Variants in RBFOX3 observed in about 807,000 individuals in gnomAD.
RBFOX3 encodes the protein RNA binding protein fox-1 homolog 3.
RBFOX3 carries 17 observed loss-of-function variants against 48.7 expected under a neutral mutation model. That is an observed-to-expected ratio of 0.35 (90% CI 0.24 to 0.52). RBFOX3 has a LOEUF of 0.52. Ranked by LOEUF, RBFOX3 falls within the 20% of genes least tolerant of loss-of-function variation. RBFOX3 has a pLI of 0.94. For synonymous variants in RBFOX3, 212 were observed against 209.5 expected (o/e 1.01, Z -0.10); for missense variants, 382 against 497.5 (o/e 0.77, Z 2.21).
At chr17:79,575,399 G>A (rs987113225) in intron 1 of RBFOX3, among the ~76,000 whole-genome samples, 26 of 152,270 alleles carry the variant, frequency 1.7e-4, no homozygotes, top group Non-Finnish European at 1.3e-4. Context: ...TAAGAACTCC[G>A]GGAGGCCACA....
chr17:79,640,531 G>T, the RBFOX3 span, among the ~76,000 whole-genome samples: 1 of 151,156 alleles, frequency 6.6e-6, no homozygotes, highest in African/African-American at 2.4e-5. Context: ...AAAGCGGGAG[G>T]CATTACACTT....
At position 79,244,016 on chromosome 17, in the gene RBFOX3, T is replaced by C. The variant is rs187407221; in HGVS notation, c.-73-8211A>G. Among the ~76,000 whole-genome samples, 450 of 152,242 alleles carry C rather than the reference T, an allele frequency of 3.0e-3. 3 individuals carry two copies. Among genetic ancestry groups the C allele is most frequent in the Non-Finnish European group, 4.8e-3 (324 of 68,014 alleles). On this transcript the variant is annotated intron_variant, in intron 3 of 14. Transcript: ENST00000693108. ...AGCACTGGGTCATCTCAACAATCCATAGACACCCTCGGCCTTCCACACATG... is the reference window on the plus strand; with the variant it reads ...AGCACTGGGTCATCTCAACAATCCACAGACACCCTCGGCCTTCCACACATG...
At chr17:79,615,814 C>T (rs2093991522), upstream of RBFOX3, among the ~76,000 whole-genome samples, 1 of 152,114 alleles carries the variant, frequency 6.6e-6, no homozygotes, top group Non-Finnish European at 1.5e-5. Flanking sequence ...CCAAGGAGGC[C>T]CTTGGTTCCC....
At position 79,473,641 on chromosome 17, in the gene RBFOX3, C is replaced by T. The variant is rs1332346687; in HGVS notation, c.-175+8813G>A. On this transcript the variant is annotated intron_variant, in intron 2 of 14. Coordinates refer to ENST00000693108, the MANE Select transcript of RBFOX3 (RefSeq NM_001350451.2). The surrounding 1 kb of genome is among the most constrained non-coding windows in gnomAD (Gnocchi z 4.2). ...CATAATGTTGACATCCTGATGAACC[C>T]CCGCTGGTGACGGCAGGTGGCCACA... Among the ~76,000 whole-genome samples the T allele has an allele frequency of 6.6e-6, 1 of 152,196 alleles. No homozygotes were observed. Among genetic ancestry groups the T allele is most frequent in the Admixed American group, 6.5e-5 (1 of 15,282 alleles).
At position 79,363,630 on chromosome 17, in the gene RBFOX3, T is replaced by A. The variant is rs957701309; in HGVS notation, c.-174-55806A>T. Among the ~76,000 whole-genome samples, 2 of 151,822 alleles carry A rather than the reference T, an allele frequency of 1.3e-5. No individual in the cohort carries two copies. Among genetic ancestry groups the A allele is most frequent in the Non-Finnish European group, 2.9e-5 (2 of 67,936 alleles). On this transcript the variant is annotated intron_variant, in intron 2 of 14. Transcript: ENST00000693108. This position sits in a 1 kb window ranked among gnomAD's most constrained non-coding sequence, Gnocchi z 4.7. ...TCTTACCCAGGGGCCCAATCGAAGA[T>A]CTAGGGCCTTCGATTCCCTCCTTTC... is the stretch of plus-strand genomic sequence containing the variant.
intron 1 of RBFOX3, chr17:79,598,907 C>G (rs2093636385): frequency 6.6e-6 from 1 of 152,154 alleles, no homozygotes; most frequent in Non-Finnish European, 1.5e-5. Context: ...AGTGTCTCAT[C>G]TCAGTTCCAC....
chr17:79,408,013 G>A (rs1186358424), intron 2 of RBFOX3, among the ~76,000 whole-genome samples: 1 of 152,170 alleles, frequency 6.6e-6, no homozygotes, highest in Non-Finnish European at 1.5e-5. Context: ...TGTTTCCAGC[G>A]TGGGCTCTGG....
chr17:79,106,541 G>GGCAGGAAACCC, intron 6 of RBFOX3, 110 bp downstream of exon 6: 1 of 1,319,304 alleles, frequency 7.6e-7, no homozygotes, highest in Non-Finnish European at 9.8e-7. Context: ...CGCAGTGGGA[G>GGCAGGAAACCC]GCAGGAAACC....
chr17:79,544,137 G>A (rs1338420537), intron 1 of RBFOX3, among the ~76,000 whole-genome samples: 3 of 152,224 alleles, frequency 2.0e-5, no homozygotes, highest in Non-Finnish European at 4.4e-5. Context: ...GCACTTCTGT[G>A]TTGCAAGAGA....
rs752069413 is a variant in RBFOX3 at position 79,361,330 on chromosome 17, G to A, written c.-174-53506C>T. Reference sequence around the variant, plus strand: ...ATCGGGGCTATCTGAGACGCTCATCGAGGTGCTTACCCGCTAACAGCTCTG... The same window carrying A: ...ATCGGGGCTATCTGAGACGCTCATCAAGGTGCTTACCCGCTAACAGCTCTG... On this transcript the variant is annotated intron_variant, in intron 2 of 14. Coordinates refer to ENST00000693108, the MANE Select transcript of RBFOX3 (RefSeq NM_001350451.2). This position sits in a 1 kb window ranked among gnomAD's most constrained non-coding sequence, Gnocchi z 4.5. Among the ~76,000 whole-genome samples the A allele has an allele frequency of 6.6e-6, 1 of 152,172 alleles. No homozygotes were observed. The highest frequency in any genetic ancestry group is 6.5e-5 in the Admixed American group (1 of 15,282).
At chr17:79,123,199 A>C in intron 4 of RBFOX3, among the ~76,000 whole-genome samples, 1 of 152,232 alleles carries the variant, frequency 6.6e-6, no homozygotes, top group Non-Finnish European at 1.5e-5. Flanking sequence ...CTTAAAAATC[A>C]CTGAAAGAGC....
chr17:79,115,782 A>G, intron 4 of RBFOX3, 34 bp from the exon 5 acceptor site: 1 of 630,882 alleles, frequency 1.6e-6, no homozygotes, highest in Non-Finnish European at 2.8e-6. Context: ...CCTGGTTAGA[A>G]TCTTGTCCCC....
At chr17:79,292,574 AC>A (rs2073486220) in intron 3 of RBFOX3, among the ~76,000 whole-genome samples, 1 of 132,388 alleles carries the variant, frequency 7.6e-6, no homozygotes, top group Admixed American at 7.7e-5. Flanking sequence ...GTACACACAC[AC>A]ACACACATGC....
At chr17:79,152,121 G>T (rs1470635396) in intron 4 of RBFOX3, among the ~76,000 whole-genome samples, 1 of 152,066 alleles carries the variant, frequency 6.6e-6, no homozygotes, top group Non-Finnish European at 1.5e-5. Flanking sequence ...GTCTCAACTG[G>T]GAGCCTGAGA....
chr17:79,545,601 T>C lies in RBFOX3; in HGVS notation c.-319-63003A>G, dbSNP rs1194075735. 2.6e-5 allele frequency among the ~76,000 whole-genome samples: 4 copies of C among 152,216 alleles called. No homozygotes were observed. In the South Asian group the frequency reaches 6.2e-4, roughly 24 times the overall value. On this transcript the variant is annotated intron_variant, in intron 1 of 14. Transcript: ENST00000693108. ...CCTTCCAGGCAGCCGATTGGTTCAA[T>C]GTCTGCCTTCCCTTCCAAACACTTC...
intron 4 of RBFOX3, among the ~76,000 whole-genome samples, chr17:79,122,442 G>T (rs182603456): frequency 6.6e-6 from 1 of 152,310 alleles, no homozygotes; most frequent in East Asian, 1.9e-4. Context: ...TGGCACACAG[G>T]TGTATAAAAA....
rs1335761639 is a variant in RBFOX3 at position 79,423,877 on chromosome 17, A to T, written c.-175+58577T>A. ...TCATGTGCTACCCAGAGCACGCCACATGCCCTCAGCTCCCTGAGGCCTTTG... is the reference window on the plus strand; with the variant it reads ...TCATGTGCTACCCAGAGCACGCCACTTGCCCTCAGCTCCCTGAGGCCTTTG... On this transcript the variant is annotated intron_variant, in intron 2 of 14. Coordinates refer to ENST00000693108, the MANE Select transcript of RBFOX3 (RefSeq NM_001350451.2). The surrounding 1 kb of genome is among the most constrained non-coding windows in gnomAD (Gnocchi z 4.9). 1 of 153,720 alleles carries T rather than the reference A, an allele frequency of 6.5e-6. No homozygotes were observed. Among genetic ancestry groups the T allele is most frequent in the East Asian group, 1.9e-4 (1 of 5,182 alleles). The allele number at this position is 153,720 out of a possible 1,614,324, so 9.5% of individuals were successfully genotyped here. A position where few individuals can be genotyped will look rare whatever the true frequency, so the allele number is the denominator to read the frequency against.
At chr17:79,276,575 C>T (rs948641042) in intron 3 of RBFOX3, among the ~76,000 whole-genome samples, 1 of 152,066 alleles carries the variant, frequency 6.6e-6, no homozygotes, top group East Asian at 1.9e-4. Context: ...ATCCCAGCTG[C>T]TCGGGAGGCT....
rs1017468262 is a variant in RBFOX3, at chr17:79,103,323, G to C, written c.415-69C>G. On this transcript the variant is annotated intron_variant, in intron 7 of 14. Coordinates refer to ENST00000693108, the MANE Select transcript of RBFOX3 (RefSeq NM_001350451.2). This position sits in a 1 kb window ranked among gnomAD's most constrained non-coding sequence, Gnocchi z 6.1. Reference sequence around the variant, plus strand: ...ACAGGGCGAGAAAGAGGAGGAAGACGAGGAAGAAGAGGAGTGGGAGGGGGG... The same window carrying C: ...ACAGGGCGAGAAAGAGGAGGAAGACCAGGAAGAAGAGGAGTGGGAGGGGGG... 2 of 1,036,548 alleles carry C rather than the reference G, an allele frequency of 1.9e-6. No homozygotes were observed. Among genetic ancestry groups the C allele is most frequent in the African/African-American group, 3.2e-5 (2 of 62,672 alleles). The allele number at this position is 1,036,548 out of a possible 1,614,324, so 64.2% of individuals were successfully genotyped here. A position where few individuals can be genotyped will look rare whatever the true frequency, so the allele number is the denominator to read the frequency against.
Sources: allele counts gnomAD v4.1 joint callset (sites outside exome capture counted in the v4.1 genomes callset), GRCh38; gene constraint gnomAD v4.1.1; non-coding constraint Gnocchi (gnomAD v3.1); transcripts MANE v1.5; gene names NCBI Gene and HGNC (gene_info 2026-07-23, HGNC 2026-07-21).